Variants in DOCK3 observed in about 807,000 individuals in gnomAD.
DOCK3 encodes dedicator of cytokinesis 3.
Under a neutral mutation model 265.6 loss-of-function variants are expected in DOCK3, and 60 were observed. That is an observed-to-expected ratio of 0.23 (90% CI 0.18 to 0.28). The LOEUF (loss-of-function observed/expected upper bound fraction) is 0.28. DOCK3 is among the 10% of genes least tolerant of loss of function. The pLI, the probability that DOCK3 is intolerant of heterozygous loss-of-function variation, is 1.00. For synonymous variants in DOCK3, 881 were observed against 938.0 expected (o/e 0.94, Z 1.11); for missense variants, 1,981 against 2,594.3 (o/e 0.76, Z 5.14).
chr3:51,059,707 A>G (rs1021180273), intron 5 of DOCK3, among the ~76,000 whole-genome samples: 4 of 152,104 alleles, frequency 2.6e-5, no homozygotes, highest in Non-Finnish European at 5.9e-5. Context: ...CAGTCAGAGG[A>G]AAATTTTAGT....
chr3:51,019,802 G>A (rs1575791065), intron 5 of DOCK3, among the ~76,000 whole-genome samples: 1 of 151,904 alleles, frequency 6.6e-6, no homozygotes, highest in East Asian at 1.9e-4. Context: ...CAGAAAACAT[G>A]ATCTCGTTTC....
intron 32 of DOCK3, among the ~76,000 whole-genome samples, chr3:51,318,245 G>A (rs1457509640): frequency 6.6e-6 from 1 of 152,056 alleles, no homozygotes; most frequent in Non-Finnish European, 1.5e-5. Flanking sequence ...CGGGCGTGGT[G>A]GCAGGTGCCT....
At chr3:50,890,933 A>C (rs2048612002) in intron 4 of DOCK3, among the ~76,000 whole-genome samples, 1 of 152,110 alleles carries the variant, frequency 6.6e-6, no homozygotes, top group South Asian at 2.1e-4. Context: ...TAACTGCATA[A>C]AGTGGCCTAC....
intron 4 of DOCK3, among the ~76,000 whole-genome samples, chr3:50,902,615 G>A (rs999794611): frequency 2.6e-5 from 4 of 152,140 alleles, no homozygotes; most frequent in Admixed American, 1.3e-4. Context: ...GGATAGTGAT[G>A]CCTGCAGCCT....
At chr3:51,379,988 G>A in intron 51 of DOCK3, 137 bp from the exon 52 acceptor site, 2 of 677,380 alleles carry the variant, frequency 3.0e-6, no homozygotes, top group Non-Finnish European at 4.8e-6. Context: ...GTAAAGAGAG[G>A]TTTATCCATA....
chr3:50,864,906 G>A (rs970694901), intron 3 of DOCK3, among the ~76,000 whole-genome samples: 2 of 151,542 alleles, frequency 1.3e-5, no homozygotes. Flanking sequence ...TTTTTTCCCA[G>A]CAGTAGCTAT....
chr3:51,378,002 C>T (rs1488294887), intron 51 of DOCK3, among the ~76,000 whole-genome samples: 1 of 152,160 alleles, frequency 6.6e-6, no homozygotes, highest in African/African-American at 2.4e-5. Context: ...TACAGGGAGC[C>T]TCAACACCAA....
chr3:51,256,357 G>A (rs935233464), intron 22 of DOCK3, among the ~76,000 whole-genome samples: 4 of 152,142 alleles, frequency 2.6e-5, no homozygotes, highest in African/African-American at 9.7e-5. Flanking sequence ...TGCAACCTCT[G>A]CCTCCTGGGT....
chr3:50,899,712 A>T (rs1405212992), intron 4 of DOCK3, among the ~76,000 whole-genome samples: 1 of 151,974 alleles, frequency 6.6e-6, no homozygotes, highest in Admixed American at 6.6e-5. Flanking sequence ...TCTGTAAAGG[A>T]TTTTATTTCT....
chr3:50,678,132 C>T (rs933066731), intron 1 of DOCK3, among the ~76,000 whole-genome samples: 1 of 151,784 alleles, frequency 6.6e-6, no homozygotes, highest in Non-Finnish European at 1.5e-5. Context: ...TGGCAGTGGG[C>T]AGTATTTTGT....
intron 27 of DOCK3, among the ~76,000 whole-genome samples, chr3:51,302,587 T>C (rs1354275602): frequency 6.6e-6 from 1 of 152,180 alleles, no homozygotes; most frequent in Non-Finnish European, 1.5e-5. Flanking sequence ...TGGTGCTTCC[T>C]TCAGGAGTTC....
chr3:51,336,340 G>GT (rs60903466), intron 35 of DOCK3, among the ~76,000 whole-genome samples: 9,859 of 144,576 alleles, frequency 0.068, 394 homozygotes, highest in Non-Finnish European at 0.077. Context: ...GGGTTTTTTT[G>GT]TTTTTTTTTT....
intron 12 of DOCK3, among the ~76,000 whole-genome samples, chr3:51,208,081 C>G (rs1002050072): frequency 1.3e-5 from 2 of 152,158 alleles, no homozygotes; most frequent in African/African-American, 4.8e-5. Flanking sequence ...GAGAGAAATG[C>G]ACTGTTACTC....
intron 12 of DOCK3, among the ~76,000 whole-genome samples, chr3:51,188,334 G>T (rs980371213): frequency 3.9e-5 from 6 of 152,216 alleles, no homozygotes; most frequent in African/African-American, 1.4e-4. Flanking sequence ...GACAGCATAG[G>T]TTAAACATAG....
At chr3:50,985,216 G>A (rs1457548789) in intron 5 of DOCK3, among the ~76,000 whole-genome samples, 1 of 152,202 alleles carries the variant, frequency 6.6e-6, no homozygotes, top group Non-Finnish European at 1.5e-5. Context: ...ACATATGGAT[G>A]CATATTAGGT....
intron 9 of DOCK3, among the ~76,000 whole-genome samples, chr3:51,123,073 C>G (rs564670596): frequency 1.3e-5 from 2 of 152,316 alleles, no homozygotes; most frequent in Admixed American, 1.3e-4. Flanking sequence ...ATTTTATCCA[C>G]CTACTCTGGC....
chr3:51,160,065 T>A (rs774853055), intron 11 of DOCK3, among the ~76,000 whole-genome samples: 2 of 152,236 alleles, frequency 1.3e-5, no homozygotes, highest in African/African-American at 2.4e-5. Context: ...AAGTAAACAC[T>A]CATCCACTTT....
At chr3:50,841,339 A>G (rs368272340) in intron 2 of DOCK3, among the ~76,000 whole-genome samples, 3 of 152,350 alleles carry the variant, frequency 2.0e-5, no homozygotes, top group East Asian at 3.9e-4. Context: ...CCTATCTGCC[A>G]TGAAAAAAGT....
At chr3:50,904,715 T>A (rs989540481) in intron 4 of DOCK3, among the ~76,000 whole-genome samples, 10 of 152,132 alleles carry the variant, frequency 6.6e-5, no homozygotes, top group African/African-American at 2.4e-4. Context: ...TTTTTCCCAT[T>A]CTGTAGGTTG....
Sources: gnomAD v4.1 joint callset for allele counts (sites outside exome capture counted in the v4.1 genomes callset) on GRCh38, gnomAD v4.1.1 for gene constraint, MANE v1.5 for transcripts, NCBI Gene and HGNC (gene_info 2026-07-23, HGNC 2026-07-21) for gene names.